The following PRR29 variants were observed in gnomAD, a reference collection of about 807,000 sequenced individuals.
PRR29 encodes proline-rich protein 29.
PRR29 carries 20 observed loss-of-function variants against 25.1 expected under a neutral mutation model. The ratio of observed to expected loss-of-function variants is 0.80; its 90% CI spans 0.56 to 1.16. The LOEUF (loss-of-function observed/expected upper bound fraction) is 1.16. Among genes scored for constraint, PRR29 ranks in the 50% most tolerant of loss-of-function variants. The probability of loss-of-function intolerance (pLI) is 0.00; values close to 1 mark genes in which losing one functional copy is unlikely to be tolerated. For missense variants in PRR29, 238 were observed against 246.6 expected (o/e 0.97, Z 0.23); for synonymous variants, 108 against 102.6 (o/e 1.05, Z -0.32).
At chr17:64,000,605 A>C (rs1249437668) in intron 3 of PRR29, among the ~76,000 whole-genome samples, 1 of 150,476 alleles carries the variant, frequency 6.6e-6, no homozygotes, top group Non-Finnish European at 1.5e-5. Context: ...CCGGGATTAC[A>C]GGCATGAGCC....
At chr17:63,998,822 C>T (rs988349223) in intron 2 of PRR29, 40 bp downstream of exon 2, 8 of 903,580 alleles carry the variant, frequency 8.9e-6, no homozygotes, top group Non-Finnish European at 1.3e-5. Context: ...CCCACCATCA[C>T]CACCACTCAC....
chr17:63,999,299 A>G, intron 3 of PRR29: 1 of 584,798 alleles, frequency 1.7e-6, no homozygotes, highest in Non-Finnish European at 3.0e-6. Context: ...CTTGTTTTCA[A>G]GGAGGTTTCC....
rs541708695 is a variant in PRR29, at chr17:64,002,075, C to T, written c.*314C>T. On this transcript the variant is annotated 3_prime_UTR_variant, in exon 6 of 6. Coordinates refer to ENST00000412177, the MANE Select transcript of PRR29 (RefSeq NM_001164257.2). Reference sequence around the variant, plus strand: ...CAGGGGGAGGCCTGGGAACAGAGCCCCCACCCTCTCTCCCTCACCCCTCTC... The same window carrying T: ...CAGGGGGAGGCCTGGGAACAGAGCCTCCACCCTCTCTCCCTCACCCCTCTC... The T allele has an allele frequency of 2.6e-4, 347 of 1,319,074 alleles. 3 individuals carry two copies. In the East Asian group the frequency reaches 7.4e-3, roughly 28 times the overall value. 81.7% of individuals were successfully genotyped at this position (1,319,074 alleles called of 1,614,324 possible).
At position 64,001,488 on chromosome 17, in the gene PRR29, AC is replaced by A. The variant is rs1314712605; in HGVS notation, c.498del (p.Ser167ValfsTer95). The A allele has an allele frequency of 5.4e-6, 8 of 1,476,982 alleles. No individual in the cohort carries two copies. The highest frequency in any genetic ancestry group is 4.3e-5 in the African/African-American group (3 of 70,368). 91.5% of individuals were successfully genotyped at this position (1,476,982 alleles called of 1,614,324 possible). On this transcript the variant is annotated frameshift_variant, in exon 5 of 6. Coordinates refer to ENST00000412177, the MANE Select transcript of PRR29 (RefSeq NM_001164257.2). LOFTEE classifies it high-confidence loss of function. ...REVRAVPPPP[P>X]PSATGTVGAD... is the part of the protein sequence containing the mutation. ...TCAGGAGAGCTGTGCCCCCACCCCC[AC>A]CCCCCAGTGCCACAGGGACTGTGGG...
chr17:64,001,395 T>A, intron 4 of PRR29, 72 bp from the exon 5 acceptor site: 1 of 1,487,342 alleles, frequency 6.7e-7, no homozygotes, highest in Non-Finnish European at 9.0e-7. Context: ...TCGGTGGAGA[T>A]AACTTGTGGG....
Position 63,998,896 on chromosome 17 carries a change from C to T in PRR29, c.137-72C>T, listed in dbSNP as rs1910343540. 11 of 1,453,070 alleles carry T rather than the reference C, an allele frequency of 7.6e-6. No individual in the cohort carries two copies. In the East Asian group the frequency reaches 2.5e-4, roughly 33 times the overall value. The allele number at this position is 1,453,070 out of a possible 1,614,324, so 90.0% of individuals were successfully genotyped here. A position where few individuals can be genotyped will look rare whatever the true frequency, so the allele number is the denominator to read the frequency against. On this transcript the variant is annotated intron_variant, in intron 2 of 5. Coordinates refer to ENST00000412177, the MANE Select transcript of PRR29 (RefSeq NM_001164257.2). ...CACAACCCGCCAACCCATTCTTCAC[C>T]CCCGGGACAGGGGTGTCAGGGGGAG... is the stretch of plus-strand genomic sequence containing the variant.
chr17:64,003,955 C>A lies in PRR29; in HGVS notation c.*2194C>A. The stretch of plus-strand genomic sequence containing the variant: ...GGGTTGCAGTGTCAGGATGACCTGC[C>A]TTGGAGGCTCTGCAGGGGACAAAGG... On this transcript the variant is annotated 3_prime_UTR_variant, in exon 6 of 6. Transcript: ENST00000412177. The A allele has an allele frequency of 1.2e-6, 2 of 1,610,492 alleles. No individual in the cohort carries two copies. Among genetic ancestry groups the A allele is most frequent in the South Asian group, 2.2e-5 (2 of 90,678 alleles).
At position 64,001,888 on chromosome 17, in the gene PRR29, C is replaced by T; in HGVS notation, c.*127C>T. On this transcript the variant is annotated 3_prime_UTR_variant, in exon 6 of 6. Transcript: ENST00000412177. Reference sequence around the variant, plus strand: ...TGGCAGTCCTTCTCACTCCCTCAACCTCAGCCAGGCCCTCTTCTCCTGGGG... The same window carrying T: ...TGGCAGTCCTTCTCACTCCCTCAACTTCAGCCAGGCCCTCTTCTCCTGGGG... 3 of 1,536,618 alleles carry T rather than the reference C, an allele frequency of 2.0e-6. No homozygotes were observed. The highest frequency in any genetic ancestry group is 1.2e-5 in the South Asian group (1 of 84,058).
rs1567838439 is a variant in PRR29, at chr17:63,998,797, T to TCCCC, written c.136+18_136+21dup. On this transcript the variant is annotated intron_variant, in intron 2 of 5. Coordinates refer to ENST00000412177, the MANE Select transcript of PRR29 (RefSeq NM_001164257.2). ...CGTGAAGGAAGGTGAGACTCCCGGG[T>TCCCC]CCCCCCACCCCACCCCCACCATCAC... 49 of 1,062,544 alleles carry TCCCC rather than the reference T, an allele frequency of 4.6e-5. No homozygotes were observed. The highest frequency in any genetic ancestry group is 2.3e-4 in the South Asian group (17 of 73,232). 65.8% of individuals were successfully genotyped at this position (1,062,544 alleles called of 1,614,324 possible).
rs1175673211 is a variant in PRR29 at position 64,003,107 on chromosome 17, GA to G, written c.*1352del. 1.7e-5 allele frequency: 10 copies of G among 585,122 alleles called. No individual in the cohort carries two copies. Among genetic ancestry groups the G allele is most frequent in the African/African-American group, 3.7e-5 (2 of 53,740 alleles). The allele number at this position is 585,122 out of a possible 1,614,324, so 36.2% of individuals were successfully genotyped here. A position where few individuals can be genotyped will look rare whatever the true frequency, so the allele number is the denominator to read the frequency against. On this transcript the variant is annotated 3_prime_UTR_variant, in exon 6 of 6. Transcript: ENST00000412177. ...GTGTCTGCATTAAAATTATTATCTG[GA>G]AAAAAGGTGGCCCAGGGCTCAGGCT...
At position 64,002,405 on chromosome 17, in the gene PRR29, AG is replaced by A; in HGVS notation, c.*647del. The A allele has an allele frequency of 7.5e-6, 3 of 402,294 alleles. No individual in the cohort carries two copies. In the South Asian group the frequency reaches 9.6e-5, roughly 13 times the overall value. The allele number at this position is 402,294 out of a possible 1,614,324, so 24.9% of individuals were successfully genotyped here. A position where few individuals can be genotyped will look rare whatever the true frequency, so the allele number is the denominator to read the frequency against. On this transcript the variant is annotated 3_prime_UTR_variant, in exon 6 of 6. Transcript: ENST00000412177. ...CAGTGTGTCCTCTGCCCCCTGGGCC[AG>A]GGTGTGTTTCCCCCACCCTCCCTCA...
intron 3 of PRR29, chr17:64,000,818 AATTTTTT>A: frequency 1.9e-5 from 6 of 317,942 alleles, no homozygotes; most frequent in East Asian, 6.2e-5. Flanking sequence ...ATGCCCAGCT[AATTTTTT>A]TTTTTTTTTT....
At position 64,002,591 on chromosome 17, in the gene PRR29, G is replaced by T; in HGVS notation, c.*830G>T. 1 of 690,736 alleles carries T rather than the reference G, an allele frequency of 1.4e-6. No individual in the cohort carries two copies. The highest frequency in any genetic ancestry group is 2.4e-6 in the Non-Finnish European group (1 of 418,142). 42.8% of individuals were successfully genotyped at this position (690,736 alleles called of 1,614,324 possible). A position where few individuals can be genotyped will look rare whatever the true frequency, so the allele number is the denominator to read the frequency against. Reference sequence around the variant, plus strand: ...CCCAGGAGGAGACACTGTGGGCACAGGGCTAAGTCCAGGTGTTTGTATTCG... The same window carrying T: ...CCCAGGAGGAGACACTGTGGGCACATGGCTAAGTCCAGGTGTTTGTATTCG... On this transcript the variant is annotated 3_prime_UTR_variant, in exon 6 of 6. Transcript: ENST00000412177.
chr17:64,004,043 CTGTCACCATGG>C lies in PRR29; in HGVS notation c.*2286_*2296del. 1 of 1,114,156 alleles carries C rather than the reference CTGTCACCATGG, an allele frequency of 9.0e-7. No homozygotes were observed. The highest frequency in any genetic ancestry group is 1.3e-6 in the Non-Finnish European group (1 of 784,970). The allele number at this position is 1,114,156 out of a possible 1,614,324, so 69.0% of individuals were successfully genotyped here. The stretch of plus-strand genomic sequence containing the variant: ...GCCTCCCCCTGGCCAGGGCCATCTC[CTGTCACCATGG>C]TGTTCCACGGTTGGGGAGGAGGTGG... On this transcript the variant is annotated 3_prime_UTR_variant, in exon 6 of 6. Transcript: ENST00000412177.
Position 63,998,796 on chromosome 17 carries a change from G to GGGGGC in PRR29, c.136+14_136+15insGGGGC. ...GCGTGAAGGAAGGTGAGACTCCCGG[G>GGGGGC]TCCCCCCACCCCACCCCCACCATCA... On this transcript the variant is annotated intron_variant, in intron 2 of 5. Coordinates refer to ENST00000412177, the MANE Select transcript of PRR29 (RefSeq NM_001164257.2). The GGGGGC allele has an allele frequency of 2.5e-5, 33 of 1,345,368 alleles. No individual in the cohort carries two copies. Among genetic ancestry groups the GGGGGC allele is most frequent in the African/African-American group, 2.9e-5 (2 of 69,426 alleles). The allele number at this position is 1,345,368 out of a possible 1,614,324, so 83.3% of individuals were successfully genotyped here.
In PRR29 at chr17:64,002,725, G is replaced by T. The variant is rs1189589110; in HGVS notation, c.*964G>T. 2 of 1,604,696 alleles carry T rather than the reference G, an allele frequency of 1.2e-6. No individual in the cohort carries two copies. The highest frequency in any genetic ancestry group is 3.3e-5 in the Admixed American group (2 of 59,748). On this transcript the variant is annotated 3_prime_UTR_variant, in exon 6 of 6. Coordinates refer to ENST00000412177, the MANE Select transcript of PRR29 (RefSeq NM_001164257.2). ...CTGAGTTCCAGTGACCACCGTGGTG[G>T]TGGCCATGCCACTCATGGTTGCTAT...
At chr17:63,999,804 CG>C (rs1910478951) in intron 3 of PRR29, 1 of 153,672 alleles carries the variant, frequency 6.5e-6, no homozygotes, top group East Asian at 1.9e-4. Flanking sequence ...TGTGTGTTCA[CG>C]TGCGTGTGCA....
Position 64,003,642 on chromosome 17 carries a change from A to G in PRR29, c.*1881A>G. On this transcript the variant is annotated 3_prime_UTR_variant, in exon 6 of 6. Coordinates refer to ENST00000412177, the MANE Select transcript of PRR29 (RefSeq NM_001164257.2). ...CAACTCCATCCACGGATCCCCCCTC[A>G]CCATAGATCTCCAACATCTTCGGGG... 1.2e-6 allele frequency: 2 copies of G among 1,610,732 alleles called. No homozygotes were observed. The highest frequency in any genetic ancestry group is 1.7e-6 in the Non-Finnish European group (2 of 1,177,786).
intron 3 of PRR29, chr17:63,999,715 G>A (rs1349847871): frequency 6.2e-6 from 1 of 160,800 alleles, no homozygotes; most frequent in Admixed American, 6.0e-5. Flanking sequence ...GAGTGTGTGT[G>A]TGTATGTGTG....
Sources: allele counts gnomAD v4.1 joint callset (sites outside exome capture counted in the v4.1 genomes callset), GRCh38; gene constraint gnomAD v4.1.1; transcripts MANE v1.5; gene names NCBI Gene and HGNC (gene_info 2026-07-23, HGNC 2026-07-21).